ITGAE: variants seen among roughly 807,000 people sequenced by gnomAD.
ITGAE encodes the protein integrin alpha-E.
Under a neutral mutation model 136.5 loss-of-function variants are expected in ITGAE, and 99 were observed. That is an observed-to-expected ratio of 0.73 (90% CI 0.62 to 0.86). The LOEUF (loss-of-function observed/expected upper bound fraction) is 0.86, where lower values mean the gene tolerates loss of function less well. Ranked by LOEUF, ITGAE falls within the 40% of genes least tolerant of loss-of-function variation. The pLI, the probability that ITGAE is intolerant of heterozygous loss-of-function variation, is 0.00. For synonymous variants in ITGAE, 613 were observed against 591.8 expected, an observed-to-expected ratio of 1.04 and a Z score of -0.52; for missense variants, 1,447 against 1,515.3, an observed-to-expected ratio of 0.95 and a Z score of 0.75.
chr17:3,790,950 C>T (rs533563833), intron 1 of ITGAE, among the ~76,000 whole-genome samples: 22 of 152,082 alleles, frequency 1.4e-4, no homozygotes, highest in African/African-American at 4.8e-4. Flanking sequence ...GTCAGGAGAT[C>T]GAGACCGTCC....
chr17:3,741,803 A>T (rs2143014782), intron 19 of ITGAE, among the ~76,000 whole-genome samples: 1 of 152,288 alleles, frequency 6.6e-6, no homozygotes, highest in South Asian at 2.1e-4. Flanking sequence ...CTGGCCAGGC[A>T]TGGTGGCTCA....
intron 1 of ITGAE, among the ~76,000 whole-genome samples, chr17:3,779,054 T>TA (rs11348875): frequency 0.031 from 4,504 of 143,398 alleles, 248 homozygotes; most frequent in Admixed American, 0.15. Flanking sequence ...TAACCTATAG[T>TA]AAAAAAAAAA....
chr17:3,773,995 G>A (rs1480283903), intron 2 of ITGAE, among the ~76,000 whole-genome samples: 1 of 152,130 alleles, frequency 6.6e-6, no homozygotes, highest in African/African-American at 2.4e-5. Flanking sequence ...ATTCAGTCTT[G>A]GAATGTCAAA....
intron 22 of ITGAE, 142 bp from the exon 23 acceptor site, chr17:3,731,325 C>T (rs2051337263): frequency 7.2e-6 from 4 of 553,146 alleles, no homozygotes; most frequent in South Asian, 4.3e-5. Context: ...AGCATGTTTC[C>T]TTTCCCTTCC....
intron 18 of ITGAE, 72 bp downstream of exon 18, chr17:3,745,692 C>T: frequency 6.9e-7 from 1 of 1,442,544 alleles, no homozygotes; most frequent in Non-Finnish European, 9.6e-7. Context: ...ATGTGCCCTT[C>T]ACTGCATCAC....
intron 28 of ITGAE, among the ~76,000 whole-genome samples, chr17:3,722,926 G>C (rs2436084): frequency 0.14 from 20,805 of 152,240 alleles, 4,746 homozygotes; most frequent in African/African-American, 0.47. Flanking sequence ...CAGGCCGAAG[G>C]TTATTGCAAC....
chr17:3,794,797 G>A (rs1453635526), intron 1 of ITGAE, among the ~76,000 whole-genome samples: 15 of 152,192 alleles, frequency 9.9e-5, no homozygotes, highest in Admixed American at 9.2e-4. Context: ...TAAAAAGTGC[G>A]AGCTGCCAAC....
intron 1 of ITGAE, among the ~76,000 whole-genome samples, chr17:3,794,881 A>C (rs1222720120): frequency 6.6e-6 from 1 of 152,140 alleles, no homozygotes; most frequent in Non-Finnish European, 1.5e-5. Flanking sequence ...GCACGAGTGG[A>C]GGCCGCAGAG....
rs755168022 is a variant in ITGAE, at chr17:3,753,355, C to G, written c.1603G>C (p.Ala535Pro). ...MDGSTDFLLV[A>P]APFYHVHGEE... ...CCATGAACGTGGTAAAATGGAGCAG[C>G]CACCAGCAAGAAGTCCGTGCTTCCA... The change falls in exon 14 of 31, where the codon GCT becomes CCT. Residue 535 changes from alanine (A) to proline (P), a missense_variant. Physicochemically the swap from Ala to Pro is conservative, Grantham distance 27. Around this residue, in one of 3 missense-constraint regions of ITGAE, gnomAD observed 1,031 missense variants for 1,011.4 expected, o/e 1.02. Transcript: ENST00000263087. 2 of 1,614,050 alleles carry G rather than the reference C, an allele frequency of 1.2e-6. No homozygotes were observed.
chr17:3,751,947 C>A, intron 14 of ITGAE, 73 bp from the exon 15 acceptor site: 1 of 1,308,642 alleles, frequency 7.6e-7, no homozygotes, highest in Admixed American at 1.7e-5. Flanking sequence ...CCCCGATGCA[C>A]GCTCACTGGG....
chr17:3,761,360 T>G (rs762413337), intron 5 of ITGAE, 43 bp downstream of exon 5: 40 of 1,558,310 alleles, frequency 2.6e-5, no homozygotes, highest in Admixed American at 5.6e-5. Flanking sequence ...ACCAAGGAGA[T>G]CTCTTTAGAG....
At chr17:3,726,413 G>A (rs1459292388) in intron 26 of ITGAE, 2 of 930,470 alleles carry the variant, frequency 2.1e-6, no homozygotes, top group Admixed American at 2.4e-5. Flanking sequence ...CATCCCCACA[G>A]GAGGGTGGAA....
At chr17:3,782,980 G>A (rs867527233) in intron 1 of ITGAE, among the ~76,000 whole-genome samples, 1 of 152,110 alleles carries the variant, frequency 6.6e-6, no homozygotes, top group South Asian at 2.1e-4. Flanking sequence ...AATCCCATAT[G>A]CCTGCTTTTG....
intron 1 of ITGAE, among the ~76,000 whole-genome samples, chr17:3,797,866 T>G (rs1053912447): frequency 3.9e-5 from 6 of 152,068 alleles, no homozygotes; most frequent in Non-Finnish European, 7.4e-5. Flanking sequence ...CCTCTCTGCC[T>G]CCCCTCTCCC....
intron 1 of ITGAE, among the ~76,000 whole-genome samples, chr17:3,800,744 G>C (rs144300658): frequency 2.6e-5 from 4 of 152,290 alleles, no homozygotes; most frequent in Non-Finnish European, 4.4e-5. Context: ...AGGGAGCTCT[G>C]CCAGGCGGAG....
At chr17:3,715,087 T>A in intron 30 of ITGAE, 145 bp from the exon 31 acceptor site, 1 of 613,922 alleles carries the variant, frequency 1.6e-6, no homozygotes, top group East Asian at 2.8e-5. Flanking sequence ...TTACTCTGAA[T>A]CTCTCCTGGA....
In ITGAE at chr17:3,753,917, C is replaced by T. The variant is rs758184700; in HGVS notation, c.1393G>A (p.Val465Met). ...CTGCAGGTCTTGTGCAGCACGGCCA[C>T]AGCGTAACCTGGGGCAAGGGTGGTG... Reference protein sequence around the residue: ...AAQYSYLGYAVAVLHKTCSLS... With the variant: ...AAQYSYLGYAMAVLHKTCSLS... Residue 465 changes from valine to methionine, a missense_variant, in exon 13 of 31, where the codon GTG (valine) becomes ATG (methionine). Around this residue, in one of 3 missense-constraint regions of ITGAE, gnomAD observed 1,031 missense variants for 1,011.4 expected, o/e 1.02. Transcript: ENST00000263087. The T allele has an allele frequency of 6.2e-7, 1 of 1,613,920 alleles. No individual in the cohort carries two copies. Among genetic ancestry groups the T allele is most frequent in the East Asian group, 2.2e-5 (1 of 44,872 alleles).
chr17:3,752,544 T>A (rs755467849), intron 14 of ITGAE, among the ~76,000 whole-genome samples: 37 of 152,070 alleles, frequency 2.4e-4, no homozygotes, highest in Non-Finnish European at 4.7e-4. Flanking sequence ...TCACCTGAGG[T>A]CAGGAGTTCG....
At chr17:3,734,748 A>G in intron 21 of ITGAE, 69 bp downstream of exon 21, 1 of 1,594,458 alleles carries the variant, frequency 6.3e-7, no homozygotes. Flanking sequence ...GGGGGCCACC[A>G]CAGAAAAGCA....
Sources: allele counts gnomAD v4.1 joint callset (sites outside exome capture counted in the v4.1 genomes callset), GRCh38; gene constraint gnomAD v4.1.1; regional missense constraint gnomAD v4.1.1; transcripts MANE v1.5; gene names NCBI Gene and HGNC (gene_info 2026-07-23, HGNC 2026-07-21).